CEP126: variants seen among roughly 807,000 people sequenced by gnomAD.
CEP126 encodes the protein centrosomal protein of 126 kDa.
A neutral mutation model predicts 107.8 loss-of-function variants in CEP126; 74 were observed. The observed-to-expected ratio is 0.69, with a 90% CI of 0.57 to 0.83. CEP126 has a LOEUF of 0.83. Among genes scored for constraint, CEP126 ranks in the 40% least tolerant of loss-of-function variants. CEP126 has a pLI of 0.00. For synonymous variants in CEP126, 449 were observed against 446.0 expected (o/e 1.01, Z -0.08); for missense variants, 1,237 against 1,281.9 (o/e 0.96, Z 0.53).
At chr11:101,959,195 T>TC (rs540290639) in intron 5 of CEP126, among the ~76,000 whole-genome samples, 3,050 of 150,706 alleles carry the variant, frequency 0.02, 61 homozygotes, top group Non-Finnish European at 0.032. Flanking sequence ...TCTCACTCTG[T>TC]CACCAGGCTG....
Position 101,961,833 on chromosome 11 carries a change from A to G in CEP126, c.798A>G (p.Leu266=), listed in dbSNP as rs756499304. The G allele has an allele frequency of 1.9e-6, 3 of 1,610,730 alleles. No homozygotes were observed. In the African/African-American group the frequency reaches 4.0e-5, roughly 22 times the overall value. Residue 266 remains leucine, a synonymous_variant, in exon 6 of 11, where the codon TTA becomes TTG. Coordinates refer to ENST00000263468, the MANE Select transcript of CEP126 (RefSeq NM_020802.4). ...LEATEHEEIY[L]TLNKEHSTSI... ...CTACAGAGCATGAAGAAATATATTT[A>G]ACACTTAATAAGGAGCATTCCACAT... is the stretch of plus-strand genomic sequence containing the variant.
intron 3 of CEP126, among the ~76,000 whole-genome samples, chr11:101,947,436 A>G (rs1378755478): frequency 6.6e-6 from 1 of 152,150 alleles, no homozygotes; most frequent in Admixed American, 6.5e-5. Context: ...TGCACAGTGG[A>G]AGGCGTTGAG....
intron 3 of CEP126, among the ~76,000 whole-genome samples, chr11:101,947,365 TAGG>T (rs1445312547): frequency 6.6e-6 from 1 of 152,148 alleles, no homozygotes; most frequent in African/African-American, 2.4e-5. Flanking sequence ...GAGAGGGTTG[TAGG>T]AGAAGACAAT....
rs528143762 is a variant in CEP126, at chr11:101,971,040, A to G, written c.2845+7160A>G. Reference sequence around the variant, plus strand: ...ACCCGGGCTGGAGTGTGATGGCACAATCTTGGTGCAACAGCCTCCCAGGCT... The same window carrying G: ...ACCCGGGCTGGAGTGTGATGGCACAGTCTTGGTGCAACAGCCTCCCAGGCT... On this transcript the variant is annotated intron_variant, in intron 6 of 10. Transcript: ENST00000263468. 3.3e-5 allele frequency among the ~76,000 whole-genome samples: 5 copies of G among 152,198 alleles called. No homozygotes were observed. The South Asian group carries it at 6.2e-4, about 19-fold the overall frequency.
Position 101,962,172 on chromosome 11 carries a change from A to G in CEP126, c.1137A>G (p.Leu379=), listed in dbSNP as rs935205479. The G allele has an allele frequency of 6.2e-7, 1 of 1,613,764 alleles. No individual in the cohort carries two copies. The highest frequency in any genetic ancestry group is 1.7e-5 in the Admixed American group (1 of 59,980). The part of the protein sequence containing the change: ...PFVSSPPMFV[L]DKKCEKTSET... Reference sequence around the variant, plus strand: ...TATCTAGCCCACCCATGTTTGTACTAGATAAAAAATGTGAAAAGACCTCTG... The same window carrying G: ...TATCTAGCCCACCCATGTTTGTACTGGATAAAAAATGTGAAAAGACCTCTG... The change falls in exon 6 of 11, where the codon CTA becomes CTG. Residue 379 remains leucine (L), a synonymous_variant. Coordinates refer to ENST00000263468, the MANE Select transcript of CEP126 (RefSeq NM_020802.4).
intron 6 of CEP126, among the ~76,000 whole-genome samples, chr11:101,972,911 T>G (rs748791623): frequency 1.8e-4 from 27 of 152,342 alleles, no homozygotes; most frequent in South Asian, 4.1e-4. Context: ...CTTCTATAAA[T>G]GGAATTATTT....
In CEP126 at chr11:101,961,740, G is replaced by GA; in HGVS notation, c.708dup (p.Phe237IlefsTer3). On this transcript the variant is annotated frameshift_variant and splice_region_variant. Coordinates refer to ENST00000263468, the MANE Select transcript of CEP126 (RefSeq NM_020802.4). LOFTEE classifies it high-confidence loss of function. ...TAAAACAATGTTCTTTTTTTTTCCAGAAATTTTGTGATGAAGTTAATCAGA... is the reference window on the plus strand; with the variant it reads ...TAAAACAATGTTCTTTTTTTTTCCAGAAAATTTTGTGATGAAGTTAATCAGA... 1 of 1,477,262 alleles carries GA rather than the reference G, an allele frequency of 6.8e-7. No individual in the cohort carries two copies. The highest frequency in any genetic ancestry group is 2.3e-5 in the East Asian group (1 of 43,216). The allele number at this position is 1,477,262 out of a possible 1,614,324, so 91.5% of individuals were successfully genotyped here. A position where few individuals can be genotyped will look rare whatever the true frequency, so the allele number is the denominator to read the frequency against.
At position 101,963,769 on chromosome 11, in the gene CEP126, C is replaced by A. The variant is rs187986042; in HGVS notation, c.2734C>A (p.Pro912Thr). The change falls in exon 6 of 11, where the codon CCT becomes ACT. Residue 912 changes from proline to threonine, a missense_variant. This residue lies in a region of CEP126 where 1,134 missense variants were observed against 1,150.5 expected (regional missense o/e 0.99). Transcript: ENST00000263468. ...DATLYCTQRSPVCEESYPSVT... is the reference protein window; with the variant it reads ...DATLYCTQRSTVCEESYPSVT... ...GACATTATATTGCACCCAAAGAAGTCCTGTTTGTGAAGAAAGTTATCCGTC... is the reference window on the plus strand; with the variant it reads ...GACATTATATTGCACCCAAAGAAGTACTGTTTGTGAAGAAAGTTATCCGTC... 11 of 1,613,996 alleles carry A rather than the reference C, an allele frequency of 6.8e-6. No homozygotes were observed. In the East Asian group the frequency reaches 2.2e-4, roughly 33 times the overall value.
intron 10 of CEP126, among the ~76,000 whole-genome samples, chr11:101,996,380 C>T (rs1162068866): frequency 6.6e-6 from 1 of 152,184 alleles, no homozygotes; most frequent in Non-Finnish European, 1.5e-5. Context: ...TCCTGACTGG[C>T]ACGCCACAGT....
At chr11:101,920,590 C>T (rs546304761) in intron 1 of CEP126, among the ~76,000 whole-genome samples, 4 of 151,364 alleles carry the variant, frequency 2.6e-5, no homozygotes, top group South Asian at 2.1e-4. Context: ...TGTGATTACA[C>T]GGTAATTCAA....
intron 9 of CEP126, among the ~76,000 whole-genome samples, chr11:101,989,577 A>T (rs575530985): frequency 6.6e-6 from 1 of 152,358 alleles, no homozygotes; most frequent in Non-Finnish European, 1.5e-5. Context: ...TCTAAGAACA[A>T]TAAAAGATAA....
chr11:101,992,152 T>TA lies in CEP126; in HGVS notation c.3245-626_3245-625insA, dbSNP rs1361216891. On this transcript the variant is annotated intron_variant, in intron 9 of 10. Transcript: ENST00000263468. The stretch of plus-strand genomic sequence containing the variant: ...CTGTATTTTAAAATTAAAACTATTT[T>TA]TAAAAAAAAATAAAAAGCAGGGAGC... Among the ~76,000 whole-genome samples the TA allele has an allele frequency of 6.5e-5, 8 of 122,760 alleles. No individual in the cohort carries two copies. The East Asian group carries it at 2.5e-3, about 39-fold the overall frequency. The allele number at this position is 122,760 out of a possible 152,430, so 80.5% of individuals were successfully genotyped here. A position where few individuals can be genotyped will look rare whatever the true frequency, so the allele number is the denominator to read the frequency against.
intron 4 of CEP126, among the ~76,000 whole-genome samples, chr11:101,951,129 G>T (rs1247088602): frequency 6.6e-6 from 1 of 152,152 alleles, no homozygotes; most frequent in African/African-American, 2.4e-5. Flanking sequence ...AAGAAAGAAT[G>T]AAGATAATGT....
intron 6 of CEP126, among the ~76,000 whole-genome samples, chr11:101,977,284 T>G (rs965412320): frequency 6.6e-6 from 1 of 152,124 alleles, no homozygotes; most frequent in African/African-American, 2.4e-5. Context: ...CTTGCATTAT[T>G]AGTATTATTT....
intron 2 of CEP126, among the ~76,000 whole-genome samples, chr11:101,932,497 A>G (rs776248400): frequency 6.6e-6 from 1 of 152,214 alleles, no homozygotes; most frequent in South Asian, 2.1e-4. Context: ...TTGGATAATT[A>G]CAAGAAAAAT....
chr11:101,946,614 A>G (rs1940740283), intron 3 of CEP126, among the ~76,000 whole-genome samples: 1 of 152,128 alleles, frequency 6.6e-6, no homozygotes, highest in Admixed American at 6.6e-5. Context: ...TAATCCCAGC[A>G]CTTTGGGAGG....
At chr11:101,937,258 A>G (rs570788287) in intron 2 of CEP126, among the ~76,000 whole-genome samples, 1 of 152,334 alleles carries the variant, frequency 6.6e-6, no homozygotes, top group African/African-American at 2.4e-5. Flanking sequence ...CTGAGTCTGA[A>G]TTTATATGTT....
intron 6 of CEP126, among the ~76,000 whole-genome samples, chr11:101,975,328 A>C (rs1941181174): frequency 6.6e-6 from 1 of 152,248 alleles, no homozygotes; most frequent in African/African-American, 2.4e-5. Flanking sequence ...ACCAGACGGT[A>C]TCATACGTTG....
At chr11:101,964,647 A>AAC (rs1471924037) in intron 6 of CEP126, among the ~76,000 whole-genome samples, 1 of 141,238 alleles carries the variant, frequency 7.1e-6, no homozygotes, top group Non-Finnish European at 1.6e-5. Context: ...TAAAAAAAAA[A>AAC]AACAACAACA....
Sources: gnomAD v4.1 joint callset for allele counts (sites outside exome capture counted in the v4.1 genomes callset) on GRCh38, gnomAD v4.1.1 for gene constraint, gnomAD v4.1.1 regional missense constraint, MANE v1.5 for transcripts, NCBI Gene and HGNC (gene_info 2026-07-23, HGNC 2026-07-21) for gene names.